COLGALT2: variants seen among roughly 807,000 people sequenced by gnomAD.
COLGALT2 encodes the protein collagen beta(1-O)galactosyltransferase 2.
In COLGALT2, 49 loss-of-function variants were observed where a neutral mutation model predicts 73.4. The ratio of observed to expected loss-of-function variants is 0.67; its 90% CI spans 0.53 to 0.85. COLGALT2 has a LOEUF of 0.85. Ranked by LOEUF, COLGALT2 falls within the 40% of genes least tolerant of loss-of-function variation. COLGALT2 has a pLI of 0.00. For missense variants in COLGALT2, 722 were observed against 790.2 expected (o/e 0.91, Z 1.03); for synonymous variants, 295 against 307.6 (o/e 0.96, Z 0.43).
Position 183,937,930 on chromosome 1 carries a change from C to G in COLGALT2, c.*831G>C. Reference sequence around the variant, plus strand: ...TCTGTAGCAGCGCGCAAACCCGGGACAGGGCAGGATGCACAGCCAGTCCTC... The same window carrying G: ...TCTGTAGCAGCGCGCAAACCCGGGAGAGGGCAGGATGCACAGCCAGTCCTC... On this transcript the variant is annotated 3_prime_UTR_variant, in exon 12 of 12. Transcript: ENST00000361927. The G allele has an allele frequency of 1.0e-6, 1 of 985,390 alleles. No individual in the cohort carries two copies. The highest frequency in any genetic ancestry group is 1.2e-6 in the Non-Finnish European group (1 of 829,940). 61.0% of individuals were successfully genotyped at this position (985,390 alleles called of 1,614,324 possible).
In COLGALT2 at chr1:184,024,380, T is replaced by C. The variant is rs1317359583; in HGVS notation, c.263+12715A>G. On this transcript the variant is annotated intron_variant, in intron 1 of 11. Coordinates refer to ENST00000361927, the MANE Select transcript of COLGALT2 (RefSeq NM_015101.4). ...TTTTTCTTTTTTTTTTTTGACAGAGTGTTACTCTGTCGCCCAGGCTGGAGT... is the reference window on the plus strand; with the variant it reads ...TTTTTCTTTTTTTTTTTTGACAGAGCGTTACTCTGTCGCCCAGGCTGGAGT... 2.0e-5 allele frequency among the ~76,000 whole-genome samples: 3 copies of C among 149,660 alleles called. No homozygotes were observed. The South Asian group carries it at 6.3e-4, about 32-fold the overall frequency.
rs1293798881 is a variant in COLGALT2, at chr1:183,973,760, G to T, written c.493-10C>A. On this transcript the variant is annotated splice_polypyrimidine_tract_variant and intron_variant, in intron 3 of 11. Transcript: ENST00000361927. The stretch of plus-strand genomic sequence containing the variant: ...TGTCAACATCTATGAACTAGGAAAA[G>T]AAAAGGATAATGTTAGGTGAAAAGG... 1.2e-6 allele frequency: 2 copies of T among 1,612,400 alleles called. No individual in the cohort carries two copies. The highest frequency in any genetic ancestry group is 1.7e-6 in the Non-Finnish European group (2 of 1,178,958).
intron 1 of COLGALT2, among the ~76,000 whole-genome samples, chr1:183,988,777 A>G (rs1671555872): frequency 6.6e-6 from 1 of 152,206 alleles, no homozygotes; most frequent in African/African-American, 2.4e-5. Flanking sequence ...TCTAGTTACT[A>G]TGAACGATGC....
chr1:183,936,377 C>T lies in COLGALT2; in HGVS notation c.*2384G>A, dbSNP rs1458399107. 1 of 985,758 alleles carries T rather than the reference C, an allele frequency of 1.0e-6. No individual in the cohort carries two copies. The highest frequency in any genetic ancestry group is 1.1e-4 in the East Asian group (1 of 8,826). 61.1% of individuals were successfully genotyped at this position (985,758 alleles called of 1,614,324 possible). A position where few individuals can be genotyped will look rare whatever the true frequency, so the allele number is the denominator to read the frequency against. On this transcript the variant is annotated 3_prime_UTR_variant, in exon 12 of 12. Coordinates refer to ENST00000361927, the MANE Select transcript of COLGALT2 (RefSeq NM_015101.4). ...AAAGAACACTGCTTGGGATTCTAGA[C>T]CTGAGCAGGGAGAAACAAACCGGGC...
chr1:184,011,207 C>T (rs1454898888), intron 1 of COLGALT2, among the ~76,000 whole-genome samples: 2 of 152,184 alleles, frequency 1.3e-5, no homozygotes, highest in Non-Finnish European at 2.9e-5. Context: ...GAGTCAAGCA[C>T]GTTAAGACAC....
At chr1:183,966,524 C>T (rs1396901241) in intron 5 of COLGALT2, among the ~76,000 whole-genome samples, 1 of 152,160 alleles carries the variant, frequency 6.6e-6, no homozygotes, top group Non-Finnish European at 1.5e-5. Flanking sequence ...GCTTTCTACC[C>T]AGTCAGTAAT....
intron 1 of COLGALT2, among the ~76,000 whole-genome samples, chr1:184,025,215 A>G (rs1205797474): frequency 6.6e-6 from 1 of 152,252 alleles, no homozygotes; most frequent in Non-Finnish European, 1.5e-5. Context: ...ACCTGCTGGC[A>G]TTGCTGCCAT....
chr1:184,023,477 GC>G (rs1649235379), intron 1 of COLGALT2, among the ~76,000 whole-genome samples: 1 of 152,134 alleles, frequency 6.6e-6, no homozygotes. Context: ...ATTCCAACTG[GC>G]AGGTTCTTCT....
downstream of COLGALT2, chr1:183,929,826 G>T (rs2102778915): frequency 6.2e-6 from 1 of 162,092 alleles, no homozygotes; most frequent in South Asian, 1.6e-4. Context: ...GGCTAGGCTA[G>T]GCTGGACCGA....
At position 184,016,419 on chromosome 1, in the gene COLGALT2, G is replaced by A. The variant is rs1305755735; in HGVS notation, c.263+20676C>T. ...ATCAGCAGCGAGATTTCAGTGTTAA[G>A]GCTAAACTTCATTAATTCAGAAAGC... On this transcript the variant is annotated intron_variant, in intron 1 of 11. Coordinates refer to ENST00000361927, the MANE Select transcript of COLGALT2 (RefSeq NM_015101.4). Among the ~76,000 whole-genome samples, 5 of 152,322 alleles carry A rather than the reference G, an allele frequency of 3.3e-5. No individual in the cohort carries two copies. In the East Asian group the frequency reaches 9.6e-4, roughly 29 times the overall value.
intron 9 of COLGALT2, among the ~76,000 whole-genome samples, chr1:183,944,625 T>C (rs1195589005): frequency 4.6e-5 from 7 of 152,060 alleles, no homozygotes; most frequent in African/African-American, 1.7e-4. Context: ...AGCTATTCAA[T>C]GCCTTTAGAA....
At chr1:183,973,820 C>T in intron 3 of COLGALT2, 70 bp from the exon 4 acceptor site, 1 of 1,438,848 alleles carries the variant, frequency 7.0e-7, no homozygotes, top group Non-Finnish European at 9.6e-7. Flanking sequence ...ATAACCCAGC[C>T]CTTCTGAAGG....
At position 183,999,471 on chromosome 1, in the gene COLGALT2, G is replaced by A. The variant is rs560677474; in HGVS notation, c.264-20951C>T. On this transcript the variant is annotated intron_variant, in intron 1 of 11. Transcript: ENST00000361927. The stretch of plus-strand genomic sequence containing the variant: ...TAGTATTACGTTATGTTAACCTCAC[G>A]AAATAAATTGGAAAAAGTATTCCCT... Among the ~76,000 whole-genome samples the A allele has an allele frequency of 5.3e-5, 8 of 152,114 alleles. No homozygotes were observed. In the East Asian group the frequency reaches 5.8e-4, roughly 11 times the overall value.
downstream of COLGALT2, among the ~76,000 whole-genome samples, chr1:183,931,464 A>G (rs571403515): frequency 6.6e-6 from 1 of 152,302 alleles, no homozygotes; most frequent in Admixed American, 6.5e-5. Context: ...TTAGCACCCC[A>G]GCTGGATTGG....
chr1:183,958,797 C>T (rs1384809983), intron 6 of COLGALT2, among the ~76,000 whole-genome samples: 1 of 150,958 alleles, frequency 6.6e-6, no homozygotes, highest in Non-Finnish European at 1.5e-5. Flanking sequence ...TTTACATCAT[C>T]AAGATCTCCT....
chr1:184,001,718 A>G (rs1305094351), intron 1 of COLGALT2, among the ~76,000 whole-genome samples: 1 of 152,210 alleles, frequency 6.6e-6, no homozygotes, highest in African/African-American at 2.4e-5. Context: ...CACCAAGTTA[A>G]TTTACATATT....
At chr1:183,941,096 T>C (rs998655061) in intron 10 of COLGALT2, among the ~76,000 whole-genome samples, 1 of 152,172 alleles carries the variant, frequency 6.6e-6, no homozygotes, top group Middle Eastern at 3.2e-3. Context: ...AAAGATGGGA[T>C]GGGGCTTCCA....
At chr1:183,945,661 C>A (rs1670230388) in intron 8 of COLGALT2, 97 bp from the exon 9 acceptor site, 1 of 1,397,446 alleles carries the variant, frequency 7.2e-7, no homozygotes, top group Non-Finnish European at 9.9e-7. Flanking sequence ...CACCCCTCCC[C>A]CACACAGACA....
At position 184,037,558 on chromosome 1, in the gene COLGALT2, C is replaced by T. The variant is rs1223605123; in HGVS notation, c.-201G>A. The T allele has an allele frequency of 1.3e-5, 15 of 1,116,068 alleles. No individual in the cohort carries two copies. The highest frequency in any genetic ancestry group is 1.1e-6 in the Non-Finnish European group (1 of 915,232). The allele number at this position is 1,116,068 out of a possible 1,614,324, so 69.1% of individuals were successfully genotyped here. A position where few individuals can be genotyped will look rare whatever the true frequency, so the allele number is the denominator to read the frequency against. The stretch of plus-strand genomic sequence containing the variant: ...CCCGCCGCCGCTGCACCGCCCAGGC[C>T]CCAGTGCGGGTGCGCAGCGTACCTG... On this transcript the variant is annotated 5_prime_UTR_variant, in exon 1 of 12. Coordinates refer to ENST00000361927, the MANE Select transcript of COLGALT2 (RefSeq NM_015101.4).
Sources: allele counts gnomAD v4.1 joint callset (sites outside exome capture counted in the v4.1 genomes callset), GRCh38; gene constraint gnomAD v4.1.1; transcripts MANE v1.5; gene names NCBI Gene and HGNC (gene_info 2026-07-23, HGNC 2026-07-21).